Variants in PCDHGA5 observed in about 807,000 individuals in gnomAD.
PCDHGA5 encodes the protein protocadherin gamma-A5.
In PCDHGA5, 36 loss-of-function variants were observed where a neutral mutation model predicts 56.7. The observed-to-expected ratio is 0.64, with a 90% CI of 0.49 to 0.84. The LOEUF is 0.84. PCDHGA5 is among the 40% of genes least tolerant of loss of function. PCDHGA5 has a pLI of 0.00. For synonymous variants in PCDHGA5, 563 were observed against 520.2 expected, an observed-to-expected ratio of 1.08 and a Z score of -1.12; for missense variants, 1,305 against 1,201.5, an observed-to-expected ratio of 1.09 and a Z score of -1.27.
Position 141,388,205 on chromosome 5 carries a change from G to T in PCDHGA5, c.2421+21454G>T, listed in dbSNP as rs2091277297. 6.3e-7 allele frequency: 1 copy of T among 1,578,264 alleles called. No homozygotes were observed. ...AGCCAGCTTGTGCTCTGGAATTTGA[G>T]GCTGTTGCTGAAAATCCACTGAACT... On this transcript the variant is annotated intron_variant, in intron 1 of 3. Transcript: ENST00000518069.
At chr5:141,418,124 C>A (rs762154093) in intron 1 of PCDHGA5, 33 of 1,613,836 alleles carry the variant, frequency 2.0e-5, no homozygotes, top group East Asian at 1.3e-4. Flanking sequence ...TGTGAAGGAC[C>A]GAATAGACCG....
chr5:141,366,716 A>G lies in PCDHGA5; in HGVS notation c.2386A>G (p.Lys796Glu), dbSNP rs746454845. Reference sequence around the variant, plus strand: ...AAGCGAGCCTCTTCTGATGTCTGATAAGGTAGATGCAAACAAAGAAGAACG... The same window carrying G: ...AAGCGAGCCTCTTCTGATGTCTGATGAGGTAGATGCAAACAAAGAAGAACG... ...EKSEPLLMSD[K>E]VDANKEERRV... Residue 796 changes from lysine (K) to glutamate (E), a missense_variant, in exon 1 of 4, where the codon AAG becomes GAG. Lys to Glu is a moderately conservative substitution (Grantham distance 56, BLOSUM62 1). Transcript: ENST00000518069. The G allele has an allele frequency of 1.4e-5, 23 of 1,614,062 alleles. No homozygotes were observed. Among genetic ancestry groups the G allele is most frequent in the Non-Finnish European group, 1.9e-5 (23 of 1,179,994 alleles).
At chr5:141,398,228 G>A (rs2150736860) in intron 1 of PCDHGA5, 1 of 1,475,144 alleles carries the variant, frequency 6.8e-7, no homozygotes, top group East Asian at 2.5e-5. Flanking sequence ...GAGCAGATCC[G>A]CTACAGGATT....
intron 1 of PCDHGA5, chr5:141,421,126 T>G: frequency 1.2e-6 from 1 of 805,588 alleles, no homozygotes; most frequent in Non-Finnish European, 1.9e-6. Context: ...CTTCGCTTTC[T>G]GATATATTTT....
rs267600453 is a variant in PCDHGA5, at chr5:141,364,955, G to A, written c.625G>A (p.Asp209Asn). The A allele has an allele frequency of 6.2e-6, 10 of 1,613,790 alleles. No homozygotes were observed. The highest frequency in any genetic ancestry group is 5.5e-5 in the South Asian group (5 of 91,090). Reference sequence around the variant, plus strand: ...AGACCGCGAGAAAGAGACTGTTCACGACCTCCTCCTCACAGCTTTAGATGG... The same window carrying A: ...AGACCGCGAGAAAGAGACTGTTCACAACCTCCTCCTCACAGCTTTAGATGG... ...PLDREKETVH[D>N]LLLTALDGGD... is the part of the protein sequence containing the mutation. The change falls in exon 1 of 4, where the codon GAC becomes AAC. Residue 209 changes from aspartate to asparagine, a missense_variant. Coordinates refer to ENST00000518069, the MANE Select transcript of PCDHGA5 (RefSeq NM_018918.3).
chr5:141,496,499 G>A (rs1417059875), intron 2 of PCDHGA5, among the ~76,000 whole-genome samples: 1 of 152,102 alleles, frequency 6.6e-6, no homozygotes, highest in Non-Finnish European at 1.5e-5. Context: ...AACCCTTGTT[G>A]CCACAAGGAC....
chr5:141,383,738 C>A (rs1779431322), intron 1 of PCDHGA5: 3 of 1,614,006 alleles, frequency 1.9e-6, no homozygotes, highest in Admixed American at 3.3e-5. Context: ...GTGACATATT[C>A]TTTTCGGAAA....
In PCDHGA5 at chr5:141,486,110, G is replaced by A. The variant is rs780031943; in HGVS notation, c.2422-8697G>A. 1.2e-6 allele frequency: 2 copies of A among 1,614,162 alleles called. No individual in the cohort carries two copies. Among genetic ancestry groups the A allele is most frequent in the South Asian group, 1.1e-5 (1 of 91,078 alleles). On this transcript the variant is annotated intron_variant, in intron 1 of 3. Transcript: ENST00000518069. This position sits in a 1 kb window ranked among gnomAD's most constrained non-coding sequence, Gnocchi z 5.0. ...TTTGGGGCCCCTAGACTTTGAGAGT[G>A]AGAATTACTATGAATTTGATGTGCG...
At chr5:141,374,589 G>T (rs1385892757) in intron 1 of PCDHGA5, 1 of 1,613,558 alleles carries the variant, frequency 6.2e-7, no homozygotes, top group Admixed American at 1.7e-5. Context: ...TCCCTTCAGG[G>T]ATTTAAGCTC....
chr5:141,407,919 C>A, intron 1 of PCDHGA5: 1 of 472,082 alleles, frequency 2.1e-6, no homozygotes, highest in Non-Finnish European at 3.7e-6. Flanking sequence ...GGCTGCTGTC[C>A]CGCACGGAGC....
chr5:141,505,371 C>T (rs2099845827), intron 2 of PCDHGA5, 22 bp from the exon 3 acceptor site: 4 of 1,613,980 alleles, frequency 2.5e-6, no homozygotes, highest in Non-Finnish European at 3.4e-6. Context: ...AGTCTGTGCT[C>T]ACCATCCTAC....
chr5:141,389,135 T>C (rs547733890), intron 1 of PCDHGA5: 2 of 1,613,982 alleles, frequency 1.2e-6, no homozygotes, highest in Admixed American at 1.7e-5. Context: ...CAGAGTACAA[T>C]ATAACCGTTA....
chr5:141,388,135 T>C, intron 1 of PCDHGA5: 1 of 1,452,398 alleles, frequency 6.9e-7, no homozygotes, highest in Non-Finnish European at 9.5e-7. Flanking sequence ...AGCGGGGAGT[T>C]GCTTGTGAGC....
chr5:141,375,784 C>A (rs562973702), intron 1 of PCDHGA5: 7 of 1,614,254 alleles, frequency 4.3e-6, no homozygotes, highest in Non-Finnish European at 5.1e-6. Flanking sequence ...ACCCCGCCCT[C>A]CCCACAGACG....
In PCDHGA5 at chr5:141,365,825, G is replaced by T. The variant is rs772088278; in HGVS notation, c.1495G>T (p.Ala499Ser). The change falls in exon 1 of 4, where the codon GCG becomes TCG. Residue 499 changes from alanine to serine, a missense_variant. Transcript: ENST00000518069. ...YSLAEDTFQGAPLSSYVSINS... is the reference protein window; with the variant it reads ...YSLAEDTFQGSPLSSYVSINS... Reference sequence around the variant, plus strand: ...CCTGGCTGAAGACACATTTCAGGGGGCGCCCTTGTCCTCCTATGTATCCAT... The same window carrying T: ...CCTGGCTGAAGACACATTTCAGGGGTCGCCCTTGTCCTCCTATGTATCCAT... 77 of 1,613,824 alleles carry T rather than the reference G, an allele frequency of 4.8e-5. No homozygotes were observed. In the Admixed American group the frequency reaches 5.7e-4, roughly 12 times the overall value.
At chr5:141,417,345 A>G (rs937116752) in intron 1 of PCDHGA5, 3 of 153,022 alleles carry the variant, frequency 2.0e-5, no homozygotes, top group African/African-American at 7.2e-5. Flanking sequence ...GAGACCTATA[A>G]ACCTTCATGC....
Position 141,486,266 on chromosome 5 carries a change from C to G in PCDHGA5, c.2422-8541C>G, listed in dbSNP as rs1311684194. On this transcript the variant is annotated intron_variant, in intron 1 of 3. Transcript: ENST00000518069. The surrounding 1 kb of genome is among the most constrained non-coding windows in gnomAD (Gnocchi z 5.0). Reference sequence around the variant, plus strand: ...TGGAACCCTCCCCGAGAGTGCAGAACCTGGCACTGTGGTGGCACTTATCAG... The same window carrying G: ...TGGAACCCTCCCCGAGAGTGCAGAAGCTGGCACTGTGGTGGCACTTATCAG... 1 of 1,614,098 alleles carries G rather than the reference C, an allele frequency of 6.2e-7. No individual in the cohort carries two copies.
rs568472427 is a variant in PCDHGA5, at chr5:141,460,924, A to G, written c.2422-33883A>G. 3.3e-4 allele frequency among the ~76,000 whole-genome samples: 50 copies of G among 150,592 alleles called. No homozygotes were observed. The East Asian group carries it at 6.6e-3, about 20-fold the overall frequency. Reference sequence around the variant, plus strand: ...AATATTCCATGGTGTATATATATATATGTGTGTGTGTATATATATGTATTA... The same window carrying G: ...AATATTCCATGGTGTATATATATATGTGTGTGTGTGTATATATATGTATTA... On this transcript the variant is annotated intron_variant, in intron 1 of 3. Coordinates refer to ENST00000518069, the MANE Select transcript of PCDHGA5 (RefSeq NM_018918.3).
intron 1 of PCDHGA5, chr5:141,387,894 G>C: frequency 1.9e-6 from 3 of 1,540,604 alleles, no homozygotes; most frequent in Non-Finnish European, 8.7e-7. Context: ...GATGGGGAGC[G>C]GCGCCGGGGA....
Sources: gnomAD v4.1 joint callset for allele counts (sites outside exome capture counted in the v4.1 genomes callset) on GRCh38, gnomAD v4.1.1 for gene constraint, Gnocchi (gnomAD v3.1) non-coding constraint, MANE v1.5 for transcripts, NCBI Gene and HGNC (gene_info 2026-07-23, HGNC 2026-07-21) for gene names.